Variants in GPC5 observed in about 807,000 individuals in gnomAD.
GPC5 encodes glypican-5.
GPC5 carries 47 observed loss-of-function variants against 53.9 expected under a neutral mutation model. The observed-to-expected ratio is 0.87, with a 90% confidence interval of 0.69 to 1.11. The LOEUF (loss-of-function observed/expected upper bound fraction) is 1.11, where lower values mean the gene tolerates loss of function less well. Among genes scored for constraint, GPC5 ranks in the 50% most tolerant of loss-of-function variants. GPC5 has a pLI of 0.00. For synonymous variants in GPC5, 286 were observed against 263.3 expected, an observed-to-expected ratio of 1.09 and a Z score of -0.84; for missense variants, 748 against 713.1, an observed-to-expected ratio of 1.05 and a Z score of -0.56.
intron 1 of GPC5, among the ~76,000 whole-genome samples, chr13:91,415,382 C>G (rs1430880169): frequency 6.6e-6 from 1 of 152,140 alleles, no homozygotes. Context: ...CTGTGAGTCT[C>G]CTGTTTTATG....
At chr13:92,387,332 G>C (rs1277943941) in intron 7 of GPC5, among the ~76,000 whole-genome samples, 1 of 152,038 alleles carries the variant, frequency 6.6e-6, no homozygotes, top group Non-Finnish European at 1.5e-5. Flanking sequence ...CATATTCTAG[G>C]CTAAACTATC....
intron 7 of GPC5, among the ~76,000 whole-genome samples, chr13:92,846,659 G>C (rs1404826948): frequency 6.6e-6 from 1 of 152,160 alleles, no homozygotes; most frequent in Admixed American, 6.5e-5. Flanking sequence ...TGAAATGAGA[G>C]AGTTTTATCA....
intron 7 of GPC5, among the ~76,000 whole-genome samples, chr13:92,337,181 A>T (rs1256109747): frequency 7.2e-6 from 1 of 139,512 alleles, no homozygotes; most frequent in Non-Finnish European, 1.5e-5. Flanking sequence ...AATGCCATTT[A>T]TGTTAGCAGC....
intron 7 of GPC5, among the ~76,000 whole-genome samples, chr13:92,443,248 A>G (rs1161826621): frequency 6.6e-6 from 1 of 152,232 alleles, no homozygotes; most frequent in African/African-American, 2.4e-5. Context: ...TACTGAGAGT[A>G]TGGCACAAAG....
chr13:92,003,996 T>C lies in GPC5; in HGVS notation c.1401+95939T>C, dbSNP rs974622284. ...CCTCCTCACCAGGAGTTTTATGAAG[T>C]ATATACCATGAACATCACTAGAATT... On this transcript the variant is annotated intron_variant, in intron 6 of 7. Coordinates refer to ENST00000377067, the MANE Select transcript of GPC5 (RefSeq NM_004466.6). 4.6e-5 allele frequency among the ~76,000 whole-genome samples: 7 copies of C among 152,278 alleles called. 1 individual carries two copies. The Middle Eastern group carries it at 0.01, about 224-fold the overall frequency.
chr13:91,926,681 G>A lies in GPC5; in HGVS notation c.1401+18624G>A, dbSNP rs1428734840. On this transcript the variant is annotated intron_variant, in intron 6 of 7. Transcript: ENST00000377067. ...TAAGCAAAGCCACACAGCAAGGATC[G>A]AAGTCAAGGAGTGGGGAATTATATC... Among the ~76,000 whole-genome samples, 4 of 152,312 alleles carry A rather than the reference G, an allele frequency of 2.6e-5. No homozygotes were observed. In the East Asian group the frequency reaches 5.8e-4, roughly 22 times the overall value.
chr13:92,342,598 G>A (rs1286512411), intron 7 of GPC5, among the ~76,000 whole-genome samples: 2 of 151,952 alleles, frequency 1.3e-5, no homozygotes, highest in African/African-American at 2.4e-5. Context: ...TCATATCTTG[G>A]TCTTGCACTT....
chr13:91,870,584 A>G (rs2039133432), intron 5 of GPC5, among the ~76,000 whole-genome samples: 1 of 152,170 alleles, frequency 6.6e-6, no homozygotes, highest in Non-Finnish European at 1.5e-5. Context: ...ACCATGAGTA[A>G]AGCACCTTCA....
At chr13:92,612,328 T>C (rs1355591640) in intron 7 of GPC5, among the ~76,000 whole-genome samples, 1 of 152,126 alleles carries the variant, frequency 6.6e-6, no homozygotes, top group Non-Finnish European at 1.5e-5. Flanking sequence ...TGAGTTTCAG[T>C]CATTATCATT....
chr13:91,862,787 C>A (rs965145001), intron 5 of GPC5, among the ~76,000 whole-genome samples: 12 of 152,154 alleles, frequency 7.9e-5, no homozygotes, highest in African/African-American at 2.9e-4. Context: ...CCAATAGTCC[C>A]AATAATGTTT....
At chr13:91,436,984 G>A (rs558166014) in intron 1 of GPC5, among the ~76,000 whole-genome samples, 1 of 152,240 alleles carries the variant, frequency 6.6e-6, no homozygotes. Context: ...TTTAAAGTCT[G>A]TTTTATCAGA....
chr13:92,602,169 TACAC>T (rs1164374820), intron 7 of GPC5, among the ~76,000 whole-genome samples: 1 of 142,212 alleles, frequency 7.0e-6, no homozygotes, highest in Non-Finnish European at 1.5e-5. Context: ...TATATACAAA[TACAC>T]ACTATATATA....
At chr13:91,477,743 T>G (rs1883011202) in intron 2 of GPC5, among the ~76,000 whole-genome samples, 1 of 152,144 alleles carries the variant, frequency 6.6e-6, no homozygotes, top group African/African-American at 2.4e-5. Flanking sequence ...AAGAGTGAAT[T>G]CTCAGAGGGA....
At chr13:92,386,772 A>G (rs951659537) in intron 7 of GPC5, among the ~76,000 whole-genome samples, 2 of 152,042 alleles carry the variant, frequency 1.3e-5, no homozygotes, top group African/African-American at 4.8e-5. Flanking sequence ...TTATTACTAT[A>G]TATCTCTCCA....
At chr13:91,517,466 A>T (rs898421465) in intron 2 of GPC5, among the ~76,000 whole-genome samples, 3 of 152,162 alleles carry the variant, frequency 2.0e-5, no homozygotes, top group African/African-American at 4.8e-5. Context: ...ATCTGAGACC[A>T]TCTCAGCCTG....
At chr13:91,975,094 C>T (rs2040285741) in intron 6 of GPC5, among the ~76,000 whole-genome samples, 1 of 152,140 alleles carries the variant, frequency 6.6e-6, no homozygotes, top group African/African-American at 2.4e-5. Flanking sequence ...TGGATCCCTT[C>T]CTCACACCTT....
At chr13:92,037,703 T>A (rs778632156) in intron 6 of GPC5, among the ~76,000 whole-genome samples, 6 of 152,172 alleles carry the variant, frequency 3.9e-5, no homozygotes, top group Non-Finnish European at 7.4e-5. Flanking sequence ...CTGAAACCTA[T>A]AAACCAACTA....
At chr13:92,513,006 G>A (rs12430838) in intron 7 of GPC5, among the ~76,000 whole-genome samples, 2,739 of 152,260 alleles carry the variant, frequency 0.018, 132 homozygotes, top group East Asian at 0.092. Flanking sequence ...CTACATCCTG[G>A]CAACTGTCCT....
chr13:92,210,181 G>A (rs765897759), intron 7 of GPC5, among the ~76,000 whole-genome samples: 4 of 152,028 alleles, frequency 2.6e-5, no homozygotes, highest in Non-Finnish European at 4.4e-5. Context: ...CAATCAAGTC[G>A]ACACTCAATA....
Sources: allele counts gnomAD v4.1 joint callset (sites outside exome capture counted in the v4.1 genomes callset), GRCh38; gene constraint gnomAD v4.1.1; transcripts MANE v1.5; gene names NCBI Gene and HGNC (gene_info 2026-07-23, HGNC 2026-07-21).